Variants in ATP13A3 observed in about 807,000 individuals in gnomAD.
ATP13A3 encodes the protein ATPase 13A3, also known as polyamine-transporting ATPase 13A3.
In ATP13A3, 59 loss-of-function variants were observed where a neutral mutation model predicts 158.1. That is an observed-to-expected ratio of 0.37 (90% CI 0.30 to 0.46). The LOEUF (loss-of-function observed/expected upper bound fraction) is 0.46. Among genes scored for constraint, ATP13A3 ranks in the 20% least tolerant of loss-of-function variants. ATP13A3 has a pLI of 1.00. For missense variants in ATP13A3, 1,166 were observed against 1,525.2 expected, an observed-to-expected ratio of 0.76 and a Z score of 3.92; for synonymous variants, 491 against 504.3, an observed-to-expected ratio of 0.97 and a Z score of 0.35.
chr3:194,441,224 A>C, intron 16 of ATP13A3, 87 bp downstream of exon 16: 1 of 1,137,766 alleles, frequency 8.8e-7, no homozygotes, highest in Non-Finnish European at 1.2e-6. Flanking sequence ...ATTAAAACAA[A>C]AAGCAGAAAT....
intron 2 of ATP13A3, among the ~76,000 whole-genome samples, chr3:194,469,404 T>A (rs74899514): frequency 0.044 from 6,692 of 151,700 alleles, 365 homozygotes; most frequent in African/African-American, 0.13. Flanking sequence ...AGGGTTGCAA[T>A]GAGCAGAGAT....
intron 2 of ATP13A3, among the ~76,000 whole-genome samples, chr3:194,477,875 T>A (rs1354072897): frequency 1.3e-5 from 2 of 152,150 alleles, no homozygotes; most frequent in South Asian, 2.1e-4. Flanking sequence ...ATCCTACAGA[T>A]CATCCATTCT....
At chr3:194,493,892 A>T (rs1243513493) in intron 2 of ATP13A3, among the ~76,000 whole-genome samples, 4 of 152,180 alleles carry the variant, frequency 2.6e-5, no homozygotes, top group Non-Finnish European at 5.9e-5. Context: ...ATTAACCTTT[A>T]TAACAATTCT....
chr3:194,444,130 G>C (rs1472636088), intron 15 of ATP13A3, among the ~76,000 whole-genome samples: 1 of 152,178 alleles, frequency 6.6e-6, no homozygotes, highest in Non-Finnish European at 1.5e-5. Context: ...TAAAGCTGAA[G>C]CCGTGCCCAT....
chr3:194,436,748 T>C (rs1717665441), intron 20 of ATP13A3, among the ~76,000 whole-genome samples: 1 of 152,242 alleles, frequency 6.6e-6, no homozygotes, highest in South Asian at 2.1e-4. Context: ...CTTGGGAGGA[T>C]GAGGCACAAG....
Position 194,450,161 on chromosome 3 carries a change from G to C in ATP13A3, c.954C>G (p.Asn318Lys), listed in dbSNP as rs373465535. 2 of 1,613,564 alleles carry C rather than the reference G, an allele frequency of 1.2e-6. No homozygotes were observed. The highest frequency in any genetic ancestry group is 2.7e-5 in the African/African-American group (2 of 74,854). Residue 318 changes from asparagine (N) to lysine (K), a missense_variant, in exon 11 of 34, where the codon AAC becomes AAG. This residue lies in a region of ATP13A3 where 997 missense variants were observed against 1,341.2 expected (regional missense o/e 0.74). Coordinates refer to ENST00000645319, the MANE Select transcript of ATP13A3 (RefSeq NM_001367549.1). ...AVLINGTCIV[N>K]ESMLTGESVP... Reference sequence around the variant, plus strand: ...TTAGCTTACCTGTTAACATGCTTTCGTTTACAATGCAGGTACCATTAATAA... The same window carrying C: ...TTAGCTTACCTGTTAACATGCTTTCCTTTACAATGCAGGTACCATTAATAA...
chr3:194,438,337 T>C (rs935640047), intron 17 of ATP13A3, among the ~76,000 whole-genome samples: 1 of 152,072 alleles, frequency 6.6e-6, no homozygotes, highest in Non-Finnish European at 1.5e-5. Context: ...ACTTAAAAAA[T>C]AGTAATAATA....
intron 33 of ATP13A3, among the ~76,000 whole-genome samples, chr3:194,406,696 C>A (rs990893902): frequency 1.3e-5 from 2 of 152,160 alleles, no homozygotes; most frequent in Non-Finnish European, 2.9e-5. Context: ...GGCAACTTAG[C>A]CGCATGATCA....
At chr3:194,433,642 TA>T in intron 21 of ATP13A3, 129 bp downstream of exon 21, 1 of 1,176,776 alleles carries the variant, frequency 8.5e-7, no homozygotes, top group African/African-American at 1.5e-5. Context: ...TATTCAGAGC[TA>T]AAAGAGAACT....
intron 16 of ATP13A3, among the ~76,000 whole-genome samples, chr3:194,439,914 A>G (rs1460478880): frequency 6.6e-6 from 1 of 152,264 alleles, no homozygotes; most frequent in East Asian, 1.9e-4. Context: ...ACGATAAATC[A>G]GCCCATTTTT....
At chr3:194,446,822 G>T in intron 14 of ATP13A3, 105 bp downstream of exon 14, 2 of 1,105,596 alleles carry the variant, frequency 1.8e-6, no homozygotes, top group South Asian at 1.7e-5. Context: ...AGAGGAACAT[G>T]ACAGAATGTG....
upstream of ATP13A3, chr3:194,488,557 G>A (rs1437861081): frequency 1.3e-5 from 2 of 152,374 alleles, no homozygotes; most frequent in East Asian, 3.9e-4. The surrounding 1 kb of genome is among the most constrained non-coding windows in gnomAD (Gnocchi z 4.1). Context: ...ACCTTGCTCA[G>A]GCAAGAGCAA....
At chr3:194,414,547 T>C (rs1160728251) in intron 31 of ATP13A3, among the ~76,000 whole-genome samples, 1 of 151,732 alleles carries the variant, frequency 6.6e-6, no homozygotes, top group Non-Finnish European at 1.5e-5. Flanking sequence ...AAAGATGAAG[T>C]TAAGAAAAAA....
intron 31 of ATP13A3, among the ~76,000 whole-genome samples, chr3:194,417,313 G>A (rs2108752526): frequency 6.6e-6 from 1 of 151,478 alleles, no homozygotes; most frequent in Middle Eastern, 3.4e-3. Context: ...TACTCGTGAG[G>A]CCGAGGCAGG....
intron 15 of ATP13A3, 105 bp from the exon 16 acceptor site, chr3:194,441,566 C>T: frequency 9.7e-7 from 1 of 1,026,372 alleles, no homozygotes; most frequent in Non-Finnish European, 1.4e-6. Flanking sequence ...TCTTTTAAAT[C>T]CCAATCTGAG....
At chr3:194,411,961 C>T (rs1272863898) in intron 33 of ATP13A3, among the ~76,000 whole-genome samples, 2 of 152,106 alleles carry the variant, frequency 1.3e-5, no homozygotes, top group Non-Finnish European at 2.9e-5. Flanking sequence ...GGAAAGGAGA[C>T]TTATGAAATT....
chr3:194,480,397 T>TC (rs1560116946), intron 2 of ATP13A3, among the ~76,000 whole-genome samples: 1 of 152,116 alleles, frequency 6.6e-6, no homozygotes, highest in African/African-American at 2.4e-5. Flanking sequence ...TACTGTGCTA[T>TC]CCCCAGAGTA....
chr3:194,406,201 T>A (rs1714918089), intron 33 of ATP13A3, 85 bp from the exon 34 acceptor site: 2 of 1,329,132 alleles, frequency 1.5e-6, no homozygotes, highest in African/African-American at 3.0e-5. Flanking sequence ...AAGCACACAT[T>A]AGCAGAGAAA....
At position 194,456,071 on chromosome 3, in the gene ATP13A3, C is replaced by T. The variant is rs951429519; in HGVS notation, c.561-109G>A. On this transcript the variant is annotated intron_variant, in intron 7 of 33. Coordinates refer to ENST00000645319, the MANE Select transcript of ATP13A3 (RefSeq NM_001367549.1). ...AACCACAGACTGTTCTTATTCATGT[C>T]TCCAAACACCTGTCTTCTATAATTC... The T allele has an allele frequency of 5.2e-6, 3 of 580,078 alleles. No individual in the cohort carries two copies. The African/African-American group carries it at 6.0e-5, about 12-fold the overall frequency. The allele number at this position is 580,078 out of a possible 1,614,324, so 35.9% of individuals were successfully genotyped here.
Sources: gnomAD v4.1 joint callset for allele counts (sites outside exome capture counted in the v4.1 genomes callset) on GRCh38, gnomAD v4.1.1 for gene constraint, gnomAD v4.1.1 regional missense constraint, Gnocchi (gnomAD v3.1) non-coding constraint, MANE v1.5 for transcripts, NCBI Gene and HGNC (gene_info 2026-07-23, HGNC 2026-07-21) for gene names.